The following CCDC88A variants were observed in gnomAD, a reference collection of about 807,000 sequenced individuals.
CCDC88A encodes the protein girdin.
A neutral mutation model predicts 234.3 loss-of-function variants in CCDC88A; 54 were observed. That is an observed-to-expected ratio of 0.23 (90% CI 0.19 to 0.29). The LOEUF (loss-of-function observed/expected upper bound fraction) is 0.29, where lower values mean the gene tolerates loss of function less well. Ranked by LOEUF, CCDC88A falls within the 10% of genes least tolerant of loss-of-function variation. CCDC88A has a pLI of 1.00. For missense variants in CCDC88A, 1,832 were observed against 2,123.4 expected (o/e 0.86, Z 2.70); for synonymous variants, 753 against 737.8 (o/e 1.02, Z -0.33).
chr2:55,400,988 C>T (rs1023313400), intron 2 of CCDC88A, among the ~76,000 whole-genome samples: 6 of 152,128 alleles, frequency 3.9e-5, no homozygotes, highest in African/African-American at 1.2e-4. Flanking sequence ...AGAATGTTTG[C>T]TTTATGAAAA....
chr2:55,346,668 C>T (rs932054477), intron 9 of CCDC88A, among the ~76,000 whole-genome samples: 5 of 152,290 alleles, frequency 3.3e-5, no homozygotes, highest in African/African-American at 1.2e-4. Context: ...GATCCACCTG[C>T]CTCAGCCTCC....
chr2:55,359,298 G>C (rs1010535731), intron 7 of CCDC88A, among the ~76,000 whole-genome samples: 1 of 151,974 alleles, frequency 6.6e-6, no homozygotes, highest in African/African-American at 2.4e-5. Context: ...GAACTTAGTA[G>C]GTGGTGAAAT....
At chr2:55,346,445 G>A (rs1325789125) in intron 9 of CCDC88A, 112 bp from the exon 10 acceptor site, 7 of 577,776 alleles carry the variant, frequency 1.2e-5, no homozygotes, top group African/African-American at 1.2e-4. Context: ...TTGAGATGGA[G>A]TTTCACTCTT....
intron 25 of CCDC88A, 125 bp from the exon 26 acceptor site, chr2:55,303,277 G>A (rs959739199): frequency 1.5e-6 from 1 of 679,574 alleles, no homozygotes; most frequent in East Asian, 2.8e-5. Context: ...AGCTATGTAT[G>A]CTATATTAAG....
rs752154109 is a variant in CCDC88A at position 55,334,340 on chromosome 2, C to T, written c.2481G>A (p.Leu827=). The change falls in exon 15 of 33, where the codon CTG becomes CTA. Residue 827 remains leucine (L), a synonymous_variant. Coordinates refer to ENST00000436346, the MANE Select transcript of CCDC88A (RefSeq NM_001365480.1). This position sits in a 1 kb window ranked among gnomAD's most constrained non-coding sequence, Gnocchi z 6.1. The stretch of plus-strand genomic sequence containing the variant: ...TCTCCAATTGTTTCTTATCCTTTTC[C>T]AGTTGAGAAGTCTCTTGCTCTAATG... The part of the protein sequence containing the change: ...NKSLEQETSQ[L]EKDKKQLEKE... The T allele has an allele frequency of 1.3e-6, 2 of 1,512,504 alleles. No individual in the cohort carries two copies. The highest frequency in any genetic ancestry group is 2.8e-5 in the South Asian group (2 of 70,994). The allele number at this position is 1,512,504 out of a possible 1,614,324, so 93.7% of individuals were successfully genotyped here.
chr2:55,309,051 G>A lies in CCDC88A; in HGVS notation c.4173-28C>T. ...AACAGAATTTTAAAAATTGTTATCA[G>A]TTTAAAATTCAACATACAAATCCTT... On this transcript the variant is annotated intron_variant, in intron 24 of 32. Transcript: ENST00000436346. The surrounding 1 kb of genome is among the most constrained non-coding windows in gnomAD (Gnocchi z 5.1). The A allele has an allele frequency of 2.6e-6, 4 of 1,554,704 alleles. No individual in the cohort carries two copies. Among genetic ancestry groups the A allele is most frequent in the Non-Finnish European group, 2.7e-6 (3 of 1,127,722 alleles).
chr2:55,346,679 C>G (rs1050272595), intron 9 of CCDC88A, among the ~76,000 whole-genome samples: 14 of 152,128 alleles, frequency 9.2e-5, no homozygotes, highest in African/African-American at 3.4e-4. Context: ...CTCAGCCTCC[C>G]AAAGTGCTGG....
intron 22 of CCDC88A, 180 bp from the exon 23 acceptor site, chr2:55,312,759 G>T: frequency 2.1e-6 from 1 of 484,406 alleles, no homozygotes; most frequent in African/African-American, 1.9e-5. Flanking sequence ...GTTACATGCT[G>T]TCTCTCTCTC....
intron 5 of CCDC88A, among the ~76,000 whole-genome samples, chr2:55,371,519 G>C (rs1299202907): frequency 6.6e-6 from 1 of 152,120 alleles, no homozygotes; most frequent in South Asian, 2.1e-4. Flanking sequence ...TAGTATAATA[G>C]ATTTTGAAGT....
chr2:55,372,618 A>C, intron 4 of CCDC88A, 108 bp from the exon 5 acceptor site: 1 of 591,962 alleles, frequency 1.7e-6, no homozygotes, highest in Non-Finnish European at 3.0e-6. Flanking sequence ...TGAGTGAAGG[A>C]TTCAGTCTAA....
At chr2:55,401,433 C>CAAAAAAA (rs1418741634) in intron 2 of CCDC88A, among the ~76,000 whole-genome samples, 42 of 30,126 alleles carry the variant, frequency 1.4e-3, no homozygotes, top group African/African-American at 8.2e-3. Context: ...GACTCTGTCT[C>CAAAAAAA]CAAAAAAAAA....
At chr2:55,312,969 A>C (rs1212123607) in intron 22 of CCDC88A, 1 of 163,968 alleles carries the variant, frequency 6.1e-6, no homozygotes, top group Non-Finnish European at 1.3e-5. Flanking sequence ...GATAGCTCCC[A>C]CCCAACAAGG....
intron 17 of CCDC88A, among the ~76,000 whole-genome samples, chr2:55,326,470 T>C (rs551876253): frequency 6.6e-6 from 1 of 152,348 alleles, no homozygotes; most frequent in Non-Finnish European, 1.5e-5. Flanking sequence ...TCTTCACATA[T>C]AGTATTAAAA....
At chr2:55,295,308 C>A in intron 31 of CCDC88A, 2 of 1,450,700 alleles carry the variant, frequency 1.4e-6, no homozygotes, top group Non-Finnish European at 1.8e-6. Flanking sequence ...AGGTAACCCA[C>A]TTATGTTACT....
intron 19 of CCDC88A, 80 bp downstream of exon 19, chr2:55,318,763 G>T: frequency 8.8e-7 from 1 of 1,134,172 alleles, no homozygotes; most frequent in Non-Finnish European, 1.2e-6. Flanking sequence ...AAGAAACAAT[G>T]TTTCCATGTT....
rs1262581576 is a variant in CCDC88A at position 55,418,931 on chromosome 2, A to C, written c.64-15T>G. 1 of 1,610,464 alleles carries C rather than the reference A, an allele frequency of 6.2e-7. No individual in the cohort carries two copies. Among genetic ancestry groups the C allele is most frequent in the Non-Finnish European group, 8.5e-7 (1 of 1,176,674 alleles). On this transcript the variant is annotated splice_polypyrimidine_tract_variant and intron_variant, in intron 1 of 32. Coordinates refer to ENST00000436346, the MANE Select transcript of CCDC88A (RefSeq NM_001365480.1). ...AACGTTTTAACCTAGAACAAACAGA[A>C]GGATCACCACGACATGAACGCCCAC...
At chr2:55,395,007 G>C (rs1206292732) in intron 2 of CCDC88A, among the ~76,000 whole-genome samples, 1 of 151,842 alleles carries the variant, frequency 6.6e-6, no homozygotes, top group Non-Finnish European at 1.5e-5. Flanking sequence ...CACCACACCT[G>C]GCTGATTTTT....
Position 55,328,415 on chromosome 2 carries a change from G to T in CCDC88A, c.2876C>A (p.Ser959Ter). Residue 959 changes from serine (S) to a stop codon, truncating the protein, a stop_gained, in exon 17 of 33, where the codon TCA becomes TAA. Transcript: ENST00000436346. LOFTEE classifies it high-confidence loss of function. This position sits in a 1 kb window ranked among gnomAD's most constrained non-coding sequence, Gnocchi z 4.3. ...TDDSRYKLLE[S>*]KLESTLKKSL... ...CTTCTTAAGAGTGGATTCTAATTTT[G>T]ATTCCAAAAGTTTATACCTACTATC... 1 of 1,574,508 alleles carries T rather than the reference G, an allele frequency of 6.4e-7. No individual in the cohort carries two copies. The highest frequency in any genetic ancestry group is 1.2e-5 in the South Asian group (1 of 84,100).
intron 29 of CCDC88A, chr2:55,296,780 C>T: frequency 2.2e-6 from 1 of 461,824 alleles, no homozygotes. Context: ...TACTATCATA[C>T]TCAGAGCCTA....
Sources: allele counts gnomAD v4.1 joint callset (sites outside exome capture counted in the v4.1 genomes callset), GRCh38; gene constraint gnomAD v4.1.1; non-coding constraint Gnocchi (gnomAD v3.1); transcripts MANE v1.5; gene names NCBI Gene and HGNC (gene_info 2026-07-23, HGNC 2026-07-21).